Variants in CNKSR2 observed in about 807,000 individuals in gnomAD.
CNKSR2 encodes the protein CNK homolog protein 2.
CNKSR2 carries 14 observed loss-of-function variants against 84.4 expected under a neutral mutation model. The observed-to-expected ratio is 0.17, with a 90% CI of 0.11 to 0.26. The LOEUF is 0.26. CNKSR2 is among the 10% of genes least tolerant of loss of function. CNKSR2 has a pLI of 1.00. For missense variants in CNKSR2, 485 were observed against 771.2 expected, an observed-to-expected ratio of 0.63 and a Z score of 4.40; for synonymous variants, 275 against 277.9, an observed-to-expected ratio of 0.99 and a Z score of 0.10.
intron 18 of CNKSR2, among the ~76,000 whole-genome samples, chrX:21,602,954 T>C (rs1273004430): frequency 5.3e-5 from 6 of 112,354 alleles, no homozygotes; most frequent in African/African-American, 1.3e-4. Flanking sequence ...GCTTAACTTC[T>C]GTATTTTATT....
intron 4 of CNKSR2, among the ~76,000 whole-genome samples, chrX:21,459,661 T>C (rs778997071): frequency 2.9e-4 from 32 of 111,308 alleles, no homozygotes; most frequent in African/African-American, 9.8e-4. Flanking sequence ...TAAATATGTT[T>C]ATCTGGATTT....
At position 21,648,816 on chromosome X, in the gene CNKSR2, T is replaced by G. The variant is rs1262313436; in HGVS notation, c.2693-15T>G. 1 of 916,060 alleles carries G rather than the reference T, an allele frequency of 1.1e-6. No homozygotes were observed. 75.5% of individuals were successfully genotyped at this position (916,060 alleles called of 1,213,427 possible). On this transcript the variant is annotated splice_polypyrimidine_tract_variant and intron_variant, in intron 20 of 21. Transcript: ENST00000379510. ...TTTCTTTTTTTTTTTTTTTTTTTTT[T>G]TTTGGATGTTGCAGGTGAAAGCAGA...
chrX:21,624,264 A>T (rs1261501397), intron 20 of CNKSR2, among the ~76,000 whole-genome samples: 1 of 112,109 alleles, frequency 8.9e-6, no homozygotes, highest in Admixed American at 9.5e-5. Flanking sequence ...GCAAAAGTCC[A>T]CTAAGCAGGG....
intron 4 of CNKSR2, among the ~76,000 whole-genome samples, chrX:21,445,241 A>G (rs1053161321): frequency 1.1e-4 from 12 of 111,554 alleles, no homozygotes; most frequent in African/African-American, 3.2e-4. Context: ...TTTTTAAAAC[A>G]ATATGGATTA....
intron 9 of CNKSR2, among the ~76,000 whole-genome samples, chrX:21,521,339 C>T (rs1445041038): frequency 9.0e-6 from 1 of 110,583 alleles, no homozygotes; most frequent in Non-Finnish European, 1.9e-5. Flanking sequence ...TAAATACATG[C>T]AAGTAATTGT....
At chrX:21,624,372 A>C (rs2092613957) in intron 20 of CNKSR2, among the ~76,000 whole-genome samples, 1 of 112,050 alleles carries the variant, frequency 8.9e-6, no homozygotes, top group Non-Finnish European at 1.9e-5. Flanking sequence ...CATTTATTGT[A>C]CTTGCAATTG....
intron 1 of CNKSR2, among the ~76,000 whole-genome samples, chrX:21,377,233 A>G (rs991493493): frequency 8.9e-6 from 1 of 111,916 alleles, no homozygotes; most frequent in Non-Finnish European, 1.9e-5. Flanking sequence ...CTTAATATTC[A>G]TATATATTTG....
In CNKSR2 at chrX:21,531,978, T is replaced by G. The variant is rs745376414; in HGVS notation, c.1214T>G (p.Ile405Ser). Residue 405 changes from isoleucine (I) to serine (S), a missense_variant, in exon 11 of 22, where the codon ATT becomes AGT. Physicochemically the swap from Ile to Ser is moderately radical, Grantham distance 142. Coordinates refer to ENST00000379510, the MANE Select transcript of CNKSR2 (RefSeq NM_014927.5). ...CAGGAATATCGAAAGAGATTTAATATTGTCGAAGAAGATACTGTCTTATAT... is the reference window on the plus strand; with the variant it reads ...CAGGAATATCGAAAGAGATTTAATAGTGTCGAAGAAGATACTGTCTTATAT... ...LDQEYRKRFNIVEEDTVLYCY... is the reference protein window; with the variant it reads ...LDQEYRKRFNSVEEDTVLYCY... The G allele has an allele frequency of 7.5e-6, 9 of 1,200,805 alleles. No individual in the cohort carries two copies. Among genetic ancestry groups the G allele is most frequent in the Non-Finnish European group, 1.0e-5 (9 of 886,357 alleles).
chrX:21,558,570 C>T (rs2092159417), intron 11 of CNKSR2, among the ~76,000 whole-genome samples: 1 of 108,316 alleles, frequency 9.2e-6, no homozygotes, highest in Admixed American at 9.9e-5. Context: ...AAAAGTCACC[C>T]CCGGAAAAGT....
rs955540353 is a variant in CNKSR2 at position 21,644,350 on chromosome X, C to T, written c.2693-4481C>T. On this transcript the variant is annotated intron_variant, in intron 20 of 21. Transcript: ENST00000379510. ...GAAATATGTACCAGAACTCGTTATC[C>T]ATCATTGGCTTCATTCTTCAAGAGC... The T allele has an allele frequency of 2.7e-5, 3 of 112,045 alleles. No homozygotes were observed. The Admixed American group carries it at 2.9e-4, about 11-fold the overall frequency. The allele number at this position is 112,045 out of a possible 1,213,427, so 9.2% of individuals were successfully genotyped here.
At chrX:21,573,868 C>A (rs764930412) in intron 13 of CNKSR2, among the ~76,000 whole-genome samples, 1 of 112,152 alleles carries the variant, frequency 8.9e-6, no homozygotes, top group East Asian at 2.8e-4. Context: ...ATGCAAATTT[C>A]TGCAGCAGGC....
At chrX:21,557,725 A>G (rs983463471) in intron 11 of CNKSR2, among the ~76,000 whole-genome samples, 1 of 111,444 alleles carries the variant, frequency 9.0e-6, no homozygotes, top group Non-Finnish European at 1.9e-5. Flanking sequence ...CTCGTTTTCT[A>G]GATTATATTC....
intron 17 of CNKSR2, among the ~76,000 whole-genome samples, chrX:21,598,833 T>C (rs935199106): frequency 2.4e-4 from 27 of 112,911 alleles, no homozygotes; most frequent in Middle Eastern, 4.6e-3. Context: ...CTGGCACATA[T>C]AGCTGTTAAT....
intron 13 of CNKSR2, among the ~76,000 whole-genome samples, chrX:21,565,089 T>C (rs762522192): frequency 9.0e-6 from 1 of 111,338 alleles, no homozygotes; most frequent in African/African-American, 3.3e-5. Context: ...ACAGATGGCC[T>C]ATTCGAGAGG....
intron 4 of CNKSR2, among the ~76,000 whole-genome samples, chrX:21,468,345 C>A (rs1284121027): frequency 9.0e-6 from 1 of 111,088 alleles, no homozygotes; most frequent in Non-Finnish European, 1.9e-5. Flanking sequence ...ATTAATATAG[C>A]ATCAAACATA....
chrX:21,627,431 G>A (rs1211840410), intron 20 of CNKSR2, among the ~76,000 whole-genome samples: 5 of 111,394 alleles, frequency 4.5e-5, no homozygotes, highest in East Asian at 5.6e-4. Flanking sequence ...CCCGGGAGGC[G>A]GAGCTGGCAG....
intron 13 of CNKSR2, among the ~76,000 whole-genome samples, chrX:21,586,348 A>T: frequency 8.9e-6 from 1 of 111,960 alleles, no homozygotes; most frequent in Non-Finnish European, 1.9e-5. Context: ...CTAGGTGTCT[A>T]CAAGTAACAA....
At chrX:21,606,678 GA>G in intron 18 of CNKSR2, 100 bp from the exon 19 acceptor site, 1 of 506,624 alleles carries the variant, frequency 2.0e-6, no homozygotes, top group Non-Finnish European at 3.2e-6. Context: ...TGTTGGAACA[GA>G]ATTTAAATTT....
chrX:21,589,157 C>T (rs776874147), intron 13 of CNKSR2, among the ~76,000 whole-genome samples: 1 of 112,258 alleles, frequency 8.9e-6, no homozygotes, highest in Non-Finnish European at 1.9e-5. Context: ...ATACCACATA[C>T]ATACATATTT....
Sources: allele counts gnomAD v4.1 joint callset (sites outside exome capture counted in the v4.1 genomes callset), GRCh38; gene constraint gnomAD v4.1.1; transcripts MANE v1.5; gene names NCBI Gene and HGNC (gene_info 2026-07-23, HGNC 2026-07-21).